Variants in CTNNA2 observed in about 807,000 individuals in gnomAD.
CTNNA2 encodes catenin alpha-2.
In CTNNA2, 42 loss-of-function variants were observed where a neutral mutation model predicts 101.0. The observed-to-expected ratio is 0.42, with a 90% confidence interval of 0.32 to 0.54. The LOEUF is 0.54. Among genes scored for constraint, CTNNA2 ranks in the 20% least tolerant of loss-of-function variants. The pLI is 0.14. For synonymous variants in CTNNA2, 450 were observed against 456.4 expected, an observed-to-expected ratio of 0.99 and a Z score of 0.18; for missense variants, 871 against 1,223.1, an observed-to-expected ratio of 0.71 and a Z score of 4.29.
intron 7 of CTNNA2, among the ~76,000 whole-genome samples, chr2:80,066,963 A>G (rs1001068248): frequency 2.0e-5 from 3 of 152,216 alleles, no homozygotes; most frequent in African/African-American, 7.2e-5. Flanking sequence ...GGAGAACAGT[A>G]TGTTAAGTGA....
intron 3 of CTNNA2, among the ~76,000 whole-genome samples, chr2:79,745,280 A>G (rs936299260): frequency 3.9e-5 from 6 of 151,956 alleles, no homozygotes; most frequent in Non-Finnish European, 8.8e-5. Context: ...AAATACAAAA[A>G]ATTAGCCGGG....
intron 3 of CTNNA2, among the ~76,000 whole-genome samples, chr2:79,783,448 A>G (rs1212562523): frequency 6.6e-6 from 1 of 152,182 alleles, no homozygotes; most frequent in Non-Finnish European, 1.5e-5. Flanking sequence ...TTCCCAATGT[A>G]AACTTATTTC....
At chr2:80,393,129 A>C (rs112051787) in intron 7 of CTNNA2, 82 bp from the exon 8 acceptor site, 5 of 1,017,474 alleles carry the variant, frequency 4.9e-6, no homozygotes, top group Non-Finnish European at 7.2e-6. Flanking sequence ...TTAACTTCTC[A>C]TGTTTTCCTG....
intron 3 of CTNNA2, among the ~76,000 whole-genome samples, chr2:79,785,227 G>A (rs532728273): frequency 1.3e-5 from 2 of 152,116 alleles, no homozygotes; most frequent in Non-Finnish European, 2.9e-5. Flanking sequence ...TTTGCAAGGT[G>A]GAAGCCAAAG....
At chr2:79,701,746 A>G (rs1685015596) in intron 2 of CTNNA2, among the ~76,000 whole-genome samples, 1 of 152,178 alleles carries the variant, frequency 6.6e-6, no homozygotes, top group Non-Finnish European at 1.5e-5. Flanking sequence ...TCATGCCTGT[A>G]ATCCCAGCAC....
chr2:80,598,852 T>C (rs1432041896), intron 15 of CTNNA2, among the ~76,000 whole-genome samples: 2 of 152,214 alleles, frequency 1.3e-5, no homozygotes, highest in African/African-American at 2.4e-5. Flanking sequence ...AAGAGATTCA[T>C]GATTAGGAAT....
intron 7 of CTNNA2, among the ~76,000 whole-genome samples, chr2:79,968,033 G>T (rs1690201124): frequency 6.6e-6 from 1 of 152,108 alleles, no homozygotes; most frequent in African/African-American, 2.4e-5. Context: ...TAGGTTGGTG[G>T]TTATCATGGG....
chr2:79,311,913 T>G (rs1402623039), intron 2 of CTNNA2, among the ~76,000 whole-genome samples: 1 of 152,186 alleles, frequency 6.6e-6, no homozygotes, highest in Non-Finnish European at 1.5e-5. Flanking sequence ...TGTTTTTGTT[T>G]TTTATTTGAA....
intron 7 of CTNNA2, among the ~76,000 whole-genome samples, chr2:80,211,866 CTTTG>C (rs1056189786): frequency 1.4e-5 from 2 of 145,210 alleles, no homozygotes; most frequent in Non-Finnish European, 3.0e-5. Flanking sequence ...AATGTTCTTC[CTTTG>C]TTTGTGTCCT....
chr2:79,563,099 G>A (rs1281954514), intron 1 of CTNNA2, among the ~76,000 whole-genome samples: 1 of 150,016 alleles, frequency 6.7e-6, no homozygotes, highest in Non-Finnish European at 1.5e-5. Context: ...GATTCATAAT[G>A]TTTTACAGAC....
intron 3 of CTNNA2, among the ~76,000 whole-genome samples, chr2:79,354,976 C>G (rs1677476320): frequency 1.3e-5 from 2 of 152,132 alleles, no homozygotes; most frequent in South Asian, 4.1e-4. Context: ...TTCTAGTCAT[C>G]CATCTTGTCC....
chr2:80,523,951 A>T (rs1200411422), intron 9 of CTNNA2, among the ~76,000 whole-genome samples: 2 of 152,168 alleles, frequency 1.3e-5, no homozygotes, highest in Non-Finnish European at 2.9e-5. Flanking sequence ...TGACCTTAGG[A>T]TAGGCAGAGG....
At chr2:80,306,416 C>CTTTCTTTCTTTT (rs1676993654) in intron 7 of CTNNA2, among the ~76,000 whole-genome samples, 1 of 136,946 alleles carries the variant, frequency 7.3e-6, no homozygotes, top group East Asian at 2.2e-4. Context: ...TTCTTTCTTT[C>CTTTCTTTCTTTT]TTTCTTTCTT....
At chr2:80,083,815 T>C (rs1699289477) in intron 7 of CTNNA2, among the ~76,000 whole-genome samples, 1 of 152,156 alleles carries the variant, frequency 6.6e-6, no homozygotes, top group South Asian at 2.1e-4. Context: ...AGGCAATACA[T>C]TTATGAATTT....
chr2:79,965,827 C>CAAAAAAAAAAAAAAAAAAAAAAAA (rs10686940), intron 7 of CTNNA2, among the ~76,000 whole-genome samples: 1 of 77,996 alleles, frequency 1.3e-5, no homozygotes, highest in African/African-American at 5.3e-5. Context: ...GAGACTATGT[C>CAAAAAAAAAAAAAAAAAAAAAAAA]AAAAAAAAAA....
chr2:80,262,805 A>T (rs1338758063), intron 7 of CTNNA2, among the ~76,000 whole-genome samples: 2 of 152,098 alleles, frequency 1.3e-5, no homozygotes, highest in Non-Finnish European at 2.9e-5. Flanking sequence ...ACAAATTATC[A>T]ACATGTCCTC....
In CTNNA2 at chr2:80,576,786, T is replaced by TAAAAAAAA. The variant is rs1558606620; in HGVS notation, c.1893+2472_1893+2473insAAAAAAAA. On this transcript the variant is annotated intron_variant, in intron 13 of 18. Transcript: ENST00000402739. ...CAACATGGTGAAACCCTGTCTCTAC[T>TAAAAAAAA]GAAAAAAAAAAAAAAAAAAAAATAC... is the stretch of plus-strand genomic sequence containing the variant. 2.9e-4 allele frequency among the ~76,000 whole-genome samples: 32 copies of TAAAAAAAA among 112,080 alleles called. 2 individuals carry two copies. Among genetic ancestry groups the TAAAAAAAA allele is most frequent in the African/African-American group, 7.7e-4 (23 of 29,860 alleles). 73.5% of individuals were successfully genotyped at this position (112,080 alleles called of 152,430 possible). A position where few individuals can be genotyped will look rare whatever the true frequency, so the allele number is the denominator to read the frequency against.
chr2:79,567,074 C>T (rs1675164346), intron 1 of CTNNA2, among the ~76,000 whole-genome samples: 1 of 152,138 alleles, frequency 6.6e-6, no homozygotes, highest in South Asian at 2.1e-4. Flanking sequence ...ACTTTAACAA[C>T]TGCCACTGAG....
Position 80,149,773 on chromosome 2 carries a change from A to ATC in CTNNA2, c.1056+239977_1056+239978dup, listed in dbSNP as rs199638480. ...TTCAGGGAATACTCGATTAGAATGG[A>ATC]TCACACACACACACACACACACACA... On this transcript the variant is annotated intron_variant, in intron 7 of 18. Transcript: ENST00000402739. Among the ~76,000 whole-genome samples, 620 of 101,138 alleles carry ATC rather than the reference A, an allele frequency of 6.1e-3. 8 individuals carry two copies. The highest frequency in any genetic ancestry group is 0.027 in the African/African-American group (588 of 21,564). The allele number at this position is 101,138 out of a possible 152,430, so 66.4% of individuals were successfully genotyped here.
Sources: gnomAD v4.1 joint callset for allele counts (sites outside exome capture counted in the v4.1 genomes callset) on GRCh38, gnomAD v4.1.1 for gene constraint, MANE v1.5 for transcripts, NCBI Gene and HGNC (gene_info 2026-07-23, HGNC 2026-07-21) for gene names.